TBX15: variants seen among roughly 807,000 people sequenced by gnomAD.
TBX15 encodes T-box transcription factor 15.
In TBX15, 18 loss-of-function variants were observed where a neutral mutation model predicts 53.9. That is an observed-to-expected ratio of 0.33 (90% confidence interval 0.23 to 0.49). The LOEUF (loss-of-function observed/expected upper bound fraction) is 0.49, where lower values mean the gene tolerates loss of function less well. TBX15 is among the 20% of genes least tolerant of loss of function. TBX15 has a pLI of 0.98. For missense variants in TBX15, 692 were observed against 749.5 expected (o/e 0.92, Z 0.90); for synonymous variants, 295 against 278.0 (o/e 1.06, Z -0.61).
At chr1:118,970,937 G>T (rs972103717) in intron 1 of TBX15, among the ~76,000 whole-genome samples, 3 of 152,200 alleles carry the variant, frequency 2.0e-5, no homozygotes, top group African/African-American at 7.2e-5. Context: ...TCTGCTTCAA[G>T]TTAACCCAAT....
chr1:118,988,690 T>C (rs1416713860), upstream of TBX15, among the ~76,000 whole-genome samples: 7 of 152,232 alleles, frequency 4.6e-5, no homozygotes, highest in African/African-American at 1.2e-4. Flanking sequence ...ATCTGGAATT[T>C]TGGGGCTCTG....
chr1:118,946,856 C>T (rs1284066025), intron 1 of TBX15, among the ~76,000 whole-genome samples: 2 of 152,300 alleles, frequency 1.3e-5, no homozygotes, highest in African/African-American at 4.8e-5. Context: ...TGAATGAAAA[C>T]GTGGCTTTTC....
chr1:118,972,979 A>G (rs1657285388), intron 1 of TBX15, among the ~76,000 whole-genome samples: 1 of 152,254 alleles, frequency 6.6e-6, no homozygotes, highest in Non-Finnish European at 1.5e-5. Context: ...CAAGGTAGAC[A>G]GATGATAATA....
At chr1:118,886,038 A>G (rs1310375005) in intron 7 of TBX15, among the ~76,000 whole-genome samples, 1 of 152,144 alleles carries the variant, frequency 6.6e-6, no homozygotes, top group Non-Finnish European at 1.5e-5. Flanking sequence ...TCACAGAGGA[A>G]ATGGGGTAAT....
chr1:118,982,030 G>A (rs1320474865), intron 1 of TBX15, among the ~76,000 whole-genome samples: 1 of 152,158 alleles, frequency 6.6e-6, no homozygotes, highest in Non-Finnish European at 1.5e-5. Flanking sequence ...GCTCAGATGG[G>A]AAAATCATTT....
chr1:118,884,377 GGTGT>G lies in TBX15; in HGVS notation c.*351_*354del, dbSNP rs1321665477. On this transcript the variant is annotated 3_prime_UTR_variant, in exon 8 of 8. Transcript: ENST00000369429. ...GTATAGGTAGGTCTGTCTGTATGTG[GGTGT>G]GTATGTGTAACTTTTCATGGCTGCC... is the stretch of plus-strand genomic sequence containing the variant. 1 of 348,524 alleles carries G rather than the reference GGTGT, an allele frequency of 2.9e-6. No individual in the cohort carries two copies. 21.6% of individuals were successfully genotyped at this position (348,524 alleles called of 1,614,324 possible).
At chr1:118,928,352 C>T (rs575616759) in intron 2 of TBX15, among the ~76,000 whole-genome samples, 2 of 152,286 alleles carry the variant, frequency 1.3e-5, no homozygotes, top group East Asian at 3.9e-4. Flanking sequence ...AATTTCTCCC[C>T]CTACCTCACA....
At chr1:118,915,620 G>C (rs1339979437) in intron 5 of TBX15, among the ~76,000 whole-genome samples, 1 of 152,170 alleles carries the variant, frequency 6.6e-6, no homozygotes, top group Admixed American at 6.6e-5. Context: ...ATACTGTATT[G>C]AGTTTAAAGA....
chr1:118,896,379 T>C (rs773748730), intron 7 of TBX15, among the ~76,000 whole-genome samples: 19 of 152,152 alleles, frequency 1.2e-4, no homozygotes, highest in Non-Finnish European at 1.6e-4. Flanking sequence ...TTCTTCAAAG[T>C]TTTATCAGCA....
chr1:118,890,990 T>C, intron 7 of TBX15: 1 of 1,272,024 alleles, frequency 7.9e-7, no homozygotes, highest in Non-Finnish European at 1.0e-6. Context: ...AAAGGTAAAA[T>C]ATCAGCACCC....
Position 118,885,000 on chromosome 1 carries a change from G to A in TBX15, c.1541C>T (p.Pro514Leu). Residue 514 changes from proline to leucine, a missense_variant, in exon 8 of 8, where the codon CCT (proline) becomes CTT (leucine). By Grantham distance (98) the Pro-to-Leu change is moderately conservative (BLOSUM62 -3). This residue lies in a region of TBX15 where 375 missense variants were observed against 371.6 expected (regional missense o/e 1.01). Coordinates refer to ENST00000369429, the MANE Select transcript of TBX15 (RefSeq NM_001330677.2). ...SSYNAFSLHN[P>L]YNLYGYNFPT... The stretch of plus-strand genomic sequence containing the variant: ...GAAATTGTATCCATACAGGTTGTAA[G>A]GGTTGTGAAGGGAGAAGGCATTGTA... 1 of 1,614,154 alleles carries A rather than the reference G, an allele frequency of 6.2e-7. No homozygotes were observed. The highest frequency in any genetic ancestry group is 8.5e-7 in the Non-Finnish European group (1 of 1,180,032).
At chr1:118,914,704 C>CT in intron 5 of TBX15, among the ~76,000 whole-genome samples, 1 of 152,298 alleles carries the variant, frequency 6.6e-6, no homozygotes, top group South Asian at 2.1e-4. Flanking sequence ...GAAGGCATGC[C>CT]TTTCCTACCA....
At chr1:118,900,840 GT>G (rs1654605772) in intron 6 of TBX15, among the ~76,000 whole-genome samples, 1 of 152,108 alleles carries the variant, frequency 6.6e-6, no homozygotes, top group Non-Finnish European at 1.5e-5. Context: ...TTACTGCTTT[GT>G]TTTGGAATGT....
At chr1:118,950,657 C>T (rs1656485317) in intron 1 of TBX15, among the ~76,000 whole-genome samples, 1 of 152,184 alleles carries the variant, frequency 6.6e-6, no homozygotes, top group Admixed American at 6.5e-5. Context: ...TTTGTTGTTG[C>T]TGTTCTGTTT....
intron 1 of TBX15, among the ~76,000 whole-genome samples, chr1:118,968,378 T>C (rs1357115605): frequency 6.6e-6 from 1 of 152,102 alleles, no homozygotes; most frequent in Admixed American, 6.6e-5. Context: ...CACTAATTTT[T>C]GTATTTTTAG....
intron 1 of TBX15, among the ~76,000 whole-genome samples, chr1:118,943,033 A>T (rs533286068): frequency 2.0e-5 from 3 of 152,338 alleles, no homozygotes; most frequent in African/African-American, 7.2e-5. Context: ...CCACAGACCC[A>T]GATTATGACT....
intron 5 of TBX15, among the ~76,000 whole-genome samples, chr1:118,922,715 G>A (rs2101589407): frequency 6.6e-6 from 1 of 152,256 alleles, no homozygotes; most frequent in Non-Finnish European, 1.5e-5. Flanking sequence ...ATAAAAGAAG[G>A]TAAAGGATGT....
chr1:118,913,746 C>T (rs1435719356), intron 6 of TBX15, among the ~76,000 whole-genome samples: 1 of 152,168 alleles, frequency 6.6e-6, no homozygotes, highest in African/African-American at 2.4e-5. Context: ...TTGTCTACAA[C>T]TCCTTGTTTC....
chr1:118,884,609 A>G lies in TBX15; in HGVS notation c.*123T>C. The G allele has an allele frequency of 1.8e-6, 2 of 1,122,364 alleles. No homozygotes were observed. Among genetic ancestry groups the G allele is most frequent in the Non-Finnish European group, 2.4e-6 (2 of 829,426 alleles). 69.5% of individuals were successfully genotyped at this position (1,122,364 alleles called of 1,614,324 possible). On this transcript the variant is annotated 3_prime_UTR_variant, in exon 8 of 8. Coordinates refer to ENST00000369429, the MANE Select transcript of TBX15 (RefSeq NM_001330677.2). ...TTGGGTATATGTCTTCGGCCAGAAAAAAAAAAAAAAAAAAAACACGGTTCC... is the reference window on the plus strand; with the variant it reads ...TTGGGTATATGTCTTCGGCCAGAAAGAAAAAAAAAAAAAAAACACGGTTCC...
Sources: allele counts gnomAD v4.1 joint callset (sites outside exome capture counted in the v4.1 genomes callset), GRCh38; gene constraint gnomAD v4.1.1; regional missense constraint gnomAD v4.1.1; transcripts MANE v1.5; gene names NCBI Gene and HGNC (gene_info 2026-07-23, HGNC 2026-07-21).